The following CDYL2 variants were observed in gnomAD, a reference collection of about 807,000 sequenced individuals.
CDYL2 encodes chromodomain Y-like protein 2.
A neutral mutation model predicts 49.4 loss-of-function variants in CDYL2; 23 were observed. The observed-to-expected ratio is 0.47, with a 90% CI of 0.34 to 0.66. CDYL2 has a LOEUF of 0.66. Among genes scored for constraint, CDYL2 ranks in the 30% least tolerant of loss-of-function variants. CDYL2 has a pLI of 0.01. For synonymous variants in CDYL2, 360 were observed against 268.8 expected, an observed-to-expected ratio of 1.34 and a Z score of -3.32; for missense variants, 678 against 656.4, an observed-to-expected ratio of 1.03 and a Z score of -0.36.
intron 1 of CDYL2, among the ~76,000 whole-genome samples, chr16:80,715,301 C>T (rs1047305079): frequency 6.6e-6 from 1 of 152,074 alleles, no homozygotes; most frequent in Non-Finnish European, 1.5e-5. Context: ...TTGTGGGACC[C>T]GGAGTCATGA....
At chr16:80,742,826 T>G (rs762358683) in intron 1 of CDYL2, among the ~76,000 whole-genome samples, 1 of 146,340 alleles carries the variant, frequency 6.8e-6, no homozygotes, top group Non-Finnish European at 1.5e-5. Flanking sequence ...AATGAAAGAC[T>G]GGGTGGTTGA....
chr16:80,723,498 C>A (rs1261512831), intron 1 of CDYL2, among the ~76,000 whole-genome samples: 1 of 152,186 alleles, frequency 6.6e-6, no homozygotes, highest in African/African-American at 2.4e-5. Context: ...CAAGTGTCAG[C>A]CTCACCCAAG....
chr16:80,693,736 G>A (rs887537251), intron 1 of CDYL2, among the ~76,000 whole-genome samples: 13 of 152,210 alleles, frequency 8.5e-5, no homozygotes, highest in East Asian at 7.7e-4. Context: ...ACTGTTCTGC[G>A]TGGTCCTATG....
At chr16:80,626,365 T>G (rs1370610012) in intron 3 of CDYL2, among the ~76,000 whole-genome samples, 1 of 151,378 alleles carries the variant, frequency 6.6e-6, no homozygotes, top group Non-Finnish European at 1.5e-5. Flanking sequence ...CTGATATTCA[T>G]TAATTTGAGG....
At chr16:80,735,280 T>A (rs1010753769) in intron 1 of CDYL2, 3 of 152,226 alleles carry the variant, frequency 2.0e-5, no homozygotes, top group African/African-American at 7.2e-5. Flanking sequence ...AAATTCATAT[T>A]GTCTCTACTC....
At chr16:80,693,143 G>A (rs1910484511) in intron 1 of CDYL2, among the ~76,000 whole-genome samples, 1 of 151,824 alleles carries the variant, frequency 6.6e-6, no homozygotes, top group Non-Finnish European at 1.5e-5. Context: ...ATGGCGGGGT[G>A]GGGGTGAGAG....
intron 1 of CDYL2, among the ~76,000 whole-genome samples, chr16:80,695,324 T>C (rs1910576569): frequency 6.6e-6 from 1 of 151,994 alleles, no homozygotes; most frequent in African/African-American, 2.4e-5. Context: ...CAAAGATAAA[T>C]AATAAAAGCG....
chr16:80,772,434 TG>T (rs1597126313), intron 1 of CDYL2, among the ~76,000 whole-genome samples: 1 of 152,168 alleles, frequency 6.6e-6, no homozygotes, highest in African/African-American at 2.4e-5. Context: ...CTGAATTGTC[TG>T]GGAATAGTGC....
At chr16:80,661,205 G>A (rs1240880764) in intron 2 of CDYL2, among the ~76,000 whole-genome samples, 2 of 152,014 alleles carry the variant, frequency 1.3e-5, no homozygotes, top group East Asian at 1.9e-4. Flanking sequence ...TAGACAGATC[G>A]CTGAAGGATG....
At position 80,693,699 on chromosome 16, in the gene CDYL2, T is replaced by C. The variant is rs78680561; in HGVS notation, c.25-8570A>G. 8.8e-3 allele frequency among the ~76,000 whole-genome samples: 1,337 copies of C among 152,304 alleles called. 24 individuals carry two copies. Among genetic ancestry groups the C allele is most frequent in the African/African-American group, 0.031 (1,276 of 41,556 alleles). On this transcript the variant is annotated intron_variant, in intron 1 of 6. Transcript: ENST00000570137. The stretch of plus-strand genomic sequence containing the variant: ...GAAGAGGGGATGATTACCAATCGGC[T>C]ACACAAGGGAATCTTTAGGTGATTA...
chr16:80,738,494 G>GA, intron 1 of CDYL2, among the ~76,000 whole-genome samples: 1 of 152,036 alleles, frequency 6.6e-6, no homozygotes. Flanking sequence ...TATGCTAAGT[G>GA]AAAAAAGCCA....
Position 80,804,276 on chromosome 16 carries a change from T to C in CDYL2, c.-103A>G. The C allele has an allele frequency of 9.9e-7, 1 of 1,012,272 alleles. No individual in the cohort carries two copies. Among genetic ancestry groups the C allele is most frequent in the Non-Finnish European group, 1.3e-6 (1 of 757,718 alleles). The allele number at this position is 1,012,272 out of a possible 1,614,324, so 62.7% of individuals were successfully genotyped here. ...GTGTGCGCGTGTGTGTGCGCGCGTG[T>C]GTGTGCGAGTGTGTGTGGTGTGTTG... On this transcript the variant is annotated 5_prime_UTR_variant, in exon 1 of 7. Transcript: ENST00000570137.
chr16:80,792,724 C>G (rs1907649232), intron 1 of CDYL2, among the ~76,000 whole-genome samples: 1 of 152,166 alleles, frequency 6.6e-6, no homozygotes, highest in African/African-American at 2.4e-5. Flanking sequence ...CCAGGAGTAT[C>G]TCCTTTTCAG....
intron 1 of CDYL2, among the ~76,000 whole-genome samples, chr16:80,695,943 A>T (rs964706899): frequency 6.6e-6 from 1 of 152,218 alleles, no homozygotes; most frequent in Non-Finnish European, 1.5e-5. Context: ...CTGCTGCAGA[A>T]CGCATATTCT....
chr16:80,786,734 G>A (rs1426338310), intron 1 of CDYL2, among the ~76,000 whole-genome samples: 1 of 152,128 alleles, frequency 6.6e-6, no homozygotes, highest in Admixed American at 6.5e-5. Flanking sequence ...GGAATACTAT[G>A]CAGCCATAAA....
At chr16:80,622,112 C>T (rs1907109284) in intron 3 of CDYL2, among the ~76,000 whole-genome samples, 1 of 152,190 alleles carries the variant, frequency 6.6e-6, no homozygotes, top group Non-Finnish European at 1.5e-5. Context: ...AATGCCTAGT[C>T]TATGCACTTT....
chr16:80,777,489 T>A (rs1481995131), intron 1 of CDYL2, among the ~76,000 whole-genome samples: 1 of 151,642 alleles, frequency 6.6e-6, no homozygotes, highest in African/African-American at 2.4e-5. Context: ...ACAAAAAATA[T>A]GAAGAAAAGA....
chr16:80,684,496 C>T (rs1287406736), intron 2 of CDYL2, 42 bp downstream of exon 2: 1 of 1,572,116 alleles, frequency 6.4e-7, no homozygotes, highest in Non-Finnish European at 8.6e-7. Context: ...TCCCCTTTCG[C>T]CATGGCCAGA....
chr16:80,652,181 C>T (rs1470180385), intron 2 of CDYL2, among the ~76,000 whole-genome samples: 2 of 152,068 alleles, frequency 1.3e-5, no homozygotes, highest in African/African-American at 4.8e-5. Context: ...ACACAATTCT[C>T]AATAAAAGGA....
Sources: gnomAD v4.1 joint callset for allele counts (sites outside exome capture counted in the v4.1 genomes callset) on GRCh38, gnomAD v4.1.1 for gene constraint, MANE v1.5 for transcripts, NCBI Gene and HGNC (gene_info 2026-07-23, HGNC 2026-07-21) for gene names.